The following APBA1 variants were observed in gnomAD, a reference collection of about 807,000 sequenced individuals.
APBA1 encodes the protein amyloid-beta A4 precursor protein-binding family A member 1.
A neutral mutation model predicts 86.6 loss-of-function variants in APBA1; 55 were observed. The ratio of observed to expected loss-of-function variants is 0.64; its 90% CI spans 0.51 to 0.80. The LOEUF (loss-of-function observed/expected upper bound fraction) is 0.80, where lower values mean the gene tolerates loss of function less well. Among genes scored for constraint, APBA1 ranks in the 30% least tolerant of loss-of-function variants. The pLI, the probability that APBA1 is intolerant of heterozygous loss-of-function variation, is 0.00. For synonymous variants in APBA1, 511 were observed against 493.9 expected (o/e 1.03, Z -0.46); for missense variants, 1,090 against 1,183.0 (o/e 0.92, Z 1.15).
intron 5 of APBA1, among the ~76,000 whole-genome samples, chr9:69,460,204 C>T (rs12000119): frequency 7.9e-5 from 12 of 152,288 alleles, no homozygotes; most frequent in African/African-American, 2.9e-4. Flanking sequence ...CCCGGGAAAC[C>T]AGGGCAACCA....
At chr9:69,432,759 C>G in intron 11 of APBA1, 83 bp from the exon 12 acceptor site, 1 of 1,299,092 alleles carries the variant, frequency 7.7e-7, no homozygotes, top group Non-Finnish European at 1.0e-6. Context: ...AGCCCCCTGC[C>G]CCTACACTCT....
intron 1 of APBA1, among the ~76,000 whole-genome samples, chr9:69,615,391 C>A (rs1822679614): frequency 6.6e-6 from 1 of 152,168 alleles, no homozygotes; most frequent in African/African-American, 2.4e-5. Flanking sequence ...AAAGAATTTT[C>A]TCTGTCTTTA....
intron 1 of APBA1, among the ~76,000 whole-genome samples, chr9:69,532,782 A>C (rs2133908578): frequency 6.6e-6 from 1 of 152,328 alleles, no homozygotes; most frequent in South Asian, 2.1e-4. Context: ...ACTTCTAAGT[A>C]GTCAAGCTGT....
Position 69,516,537 on chromosome 9 carries a change from G to A in APBA1, c.674C>T (p.Ala225Val), listed in dbSNP as rs778151831. The part of the protein sequence containing the change: ...LYEQERDEAA[A>V]YRQEALGARL... ...CGCGCCCAGGGCCTCCTGGCGGTAC[G>A]CGGCCGCCTCGTCGCGCTCCTGCTC... is the stretch of plus-strand genomic sequence containing the variant. The change falls in exon 2 of 13, where the codon GCG becomes GTG. Residue 225 changes from alanine (A) to valine (V), a missense_variant. By Grantham distance (64) the Ala-to-Val change is moderately conservative. Around this residue, in one of 6 missense-constraint regions of APBA1, gnomAD observed 678 missense variants for 647.1 expected, o/e 1.05. Transcript: ENST00000265381. This position sits in a 1 kb window ranked among gnomAD's most constrained non-coding sequence, Gnocchi z 7.3. 6.3e-6 allele frequency: 10 copies of A among 1,595,080 alleles called. No homozygotes were observed. Among genetic ancestry groups the A allele is most frequent in the Non-Finnish European group, 8.5e-6 (10 of 1,176,556 alleles).
chr9:69,625,143 C>T (rs903791174), intron 1 of APBA1, among the ~76,000 whole-genome samples: 1 of 152,184 alleles, frequency 6.6e-6, no homozygotes, highest in Non-Finnish European at 1.5e-5. Flanking sequence ...ATTCCTAGTA[C>T]ATTGGCCACA....
intron 1 of APBA1, among the ~76,000 whole-genome samples, chr9:69,604,179 A>G (rs1588389214): frequency 1.3e-5 from 2 of 152,188 alleles, no homozygotes; most frequent in East Asian, 3.9e-4. Context: ...TGTGCACATG[A>G]GTGTGGGCAC....
intron 2 of APBA1, among the ~76,000 whole-genome samples, chr9:69,502,193 T>C (rs1835889420): frequency 6.6e-6 from 1 of 152,048 alleles, no homozygotes; most frequent in South Asian, 2.1e-4. Flanking sequence ...ACACAGTAAC[T>C]GGAAAACGTG....
intron 1 of APBA1, among the ~76,000 whole-genome samples, chr9:69,651,390 T>G (rs1045828334): frequency 1.3e-5 from 2 of 152,338 alleles, no homozygotes; most frequent in South Asian, 2.1e-4. Context: ...ACTTAAAGAT[T>G]TGTGTAGTTT....
intron 1 of APBA1, among the ~76,000 whole-genome samples, chr9:69,593,606 T>C (rs74645807): frequency 0.021 from 3,269 of 152,296 alleles, 131 homozygotes; most frequent in African/African-American, 0.074. Flanking sequence ...TGCCAGCACA[T>C]GCCTGAAGCA....
intron 4 of APBA1, 23 bp downstream of exon 4, chr9:69,471,633 A>G (rs1257915865): frequency 1.9e-6 from 3 of 1,604,326 alleles, no homozygotes; most frequent in African/African-American, 2.7e-5. Context: ...CTCAGTGCTC[A>G]GTATTTTCTT....
In APBA1 at chr9:69,428,282, T is replaced by G. The variant is rs527499366; in HGVS notation, c.*3045A>C. 1 of 152,362 alleles carries G rather than the reference T, an allele frequency of 6.6e-6. No individual in the cohort carries two copies. Among genetic ancestry groups the G allele is most frequent in the African/African-American group, 2.4e-5 (1 of 41,536 alleles). 9.4% of individuals were successfully genotyped at this position (152,362 alleles called of 1,614,324 possible). A position where few individuals can be genotyped will look rare whatever the true frequency, so the allele number is the denominator to read the frequency against. ...CCCTGAAGGCGGTGTTGATGGGCAA[T>G]GTTCAGAAAGCAAACCCGTGCACAG... On this transcript the variant is annotated 3_prime_UTR_variant, in exon 13 of 13. Coordinates refer to ENST00000265381, the MANE Select transcript of APBA1 (RefSeq NM_001163.4).
At chr9:69,649,336 A>C (rs1823452237) in intron 1 of APBA1, among the ~76,000 whole-genome samples, 1 of 152,110 alleles carries the variant, frequency 6.6e-6, no homozygotes, top group Non-Finnish European at 1.5e-5. Context: ...ACAAATCCCT[A>C]AGGCAGCCTG....
At chr9:69,490,539 C>A (rs1835691607) in intron 2 of APBA1, among the ~76,000 whole-genome samples, 2 of 151,704 alleles carry the variant, frequency 1.3e-5, no homozygotes, top group African/African-American at 4.8e-5. Flanking sequence ...AGGACATAGG[C>A]ATGGGCAAAT....
At chr9:69,431,522 G>A (rs943730945) in intron 12 of APBA1, 124 bp from the exon 13 acceptor site, 37 of 773,042 alleles carry the variant, frequency 4.8e-5, no homozygotes, top group South Asian at 3.8e-4. Flanking sequence ...ACTCCCTACC[G>A]CCCAGCCACC....
At chr9:69,504,285 C>A (rs747358835) in intron 2 of APBA1, among the ~76,000 whole-genome samples, 3 of 152,082 alleles carry the variant, frequency 2.0e-5, no homozygotes, top group Non-Finnish European at 2.9e-5. Context: ...CATGGTCTTT[C>A]ATAATTTCCC....
chr9:69,631,820 GCC>G (rs1564097160), intron 1 of APBA1, among the ~76,000 whole-genome samples: 3 of 152,232 alleles, frequency 2.0e-5, no homozygotes, highest in East Asian at 1.9e-4. Flanking sequence ...AAAACCAAAT[GCC>G]GCATGTTCTC....
chr9:69,476,612 GA>G (rs920359866), intron 2 of APBA1, among the ~76,000 whole-genome samples: 2 of 151,796 alleles, frequency 1.3e-5, no homozygotes, highest in African/African-American at 2.4e-5. Flanking sequence ...TTGATGGCTA[GA>G]AACCATACCA....
intron 1 of APBA1, among the ~76,000 whole-genome samples, chr9:69,575,663 G>T (rs1256173189): frequency 1.3e-5 from 2 of 152,104 alleles, no homozygotes; most frequent in Non-Finnish European, 2.9e-5. Context: ...TATGTAGAAA[G>T]CTGAAACTGG....
Position 69,516,942 on chromosome 9 carries a change from T to C in APBA1, c.269A>G (p.Asp90Gly), listed in dbSNP as rs1836169831. ...GGCGATCACGTCGCCCTCGGCGGTG[T>C]CCGTGTGGTTGTGGAAGCCGCTCTC... is the stretch of plus-strand genomic sequence containing the variant. ...STESGFHNHT[D>G]TAEGDVIAAA... Residue 90 changes from aspartate (D) to glycine (G), a missense_variant, in exon 2 of 13, where the codon GAC (aspartate) becomes GGC (glycine). Physicochemically the swap from Asp to Gly is moderately conservative, Grantham distance 94. This residue lies in a region of APBA1 where 678 missense variants were observed against 647.1 expected (regional missense o/e 1.05). Coordinates refer to ENST00000265381, the MANE Select transcript of APBA1 (RefSeq NM_001163.4). The surrounding 1 kb of genome is among the most constrained non-coding windows in gnomAD (Gnocchi z 7.3). The C allele has an allele frequency of 6.3e-7, 1 of 1,594,140 alleles. No individual in the cohort carries two copies. Among genetic ancestry groups the C allele is most frequent in the Admixed American group, 1.7e-5 (1 of 59,406 alleles).
Sources: gnomAD v4.1 joint callset for allele counts (sites outside exome capture counted in the v4.1 genomes callset) on GRCh38, gnomAD v4.1.1 for gene constraint, gnomAD v4.1.1 regional missense constraint, Gnocchi (gnomAD v3.1) non-coding constraint, MANE v1.5 for transcripts, NCBI Gene and HGNC (gene_info 2026-07-23, HGNC 2026-07-21) for gene names.